SH3BP2: variants seen among roughly 807,000 people sequenced by gnomAD.
SH3BP2 encodes the protein SH3 domain binding protein 2, also known as SH3 domain-binding protein 2.
A neutral mutation model predicts 56.2 loss-of-function variants in SH3BP2; 38 were observed. That is an observed-to-expected ratio of 0.68 (90% CI 0.52 to 0.89). SH3BP2 has a LOEUF of 0.89. Among genes scored for constraint, SH3BP2 ranks in the 40% least tolerant of loss-of-function variants. SH3BP2 has a pLI of 0.00. For missense variants in SH3BP2, 748 were observed against 762.6 expected (o/e 0.98, Z 0.23); for synonymous variants, 346 against 316.7 (o/e 1.09, Z -0.98).
rs1446196408 is a variant in SH3BP2, at chr4:2,837,171, G to C, written c.*3337G>C. On this transcript the variant is annotated 3_prime_UTR_variant, in exon 13 of 13. Coordinates refer to ENST00000503393, the MANE Select transcript of SH3BP2 (RefSeq NM_001122681.2). ...TTCTCCTGCCTCACCCTCCCATGTA[G>C]CTGGGATTACAGCTGCCTGCCAAAT... 1 of 152,152 alleles carries C rather than the reference G, an allele frequency of 6.6e-6. No individual in the cohort carries two copies. The highest frequency in any genetic ancestry group is 2.4e-5 in the African/African-American group (1 of 41,396). The allele number at this position is 152,152 out of a possible 1,614,324, so 9.4% of individuals were successfully genotyped here.
At chr4:2,828,247 A>G (rs964647337) in intron 7 of SH3BP2, among the ~76,000 whole-genome samples, 12 of 150,378 alleles carry the variant, frequency 8.0e-5, no homozygotes, top group South Asian at 6.3e-4. Context: ...CATCTTGTCA[A>G]TTTCCTCATG....
chr4:2,833,811 T>A lies in SH3BP2; in HGVS notation c.1663T>A (p.Tyr555Asn). The A allele has an allele frequency of 6.3e-7, 1 of 1,583,554 alleles. No homozygotes were observed. Among genetic ancestry groups the A allele is most frequent in the Non-Finnish European group, 8.6e-7 (1 of 1,165,116 alleles). ...CCAGAGCCTGCTGCTGCGGCACCCC[T>A]ACGGCTACACTGGGCCTAGGTGATG... ...SHQSLLLRHP[Y>N]GYTGPR The change falls in exon 13 of 13, where the codon TAC (tyrosine) becomes AAC (asparagine). Residue 555 changes from tyrosine (Y) to asparagine (N), a missense_variant. Coordinates refer to ENST00000503393, the MANE Select transcript of SH3BP2 (RefSeq NM_001122681.2).
chr4:2,812,738 C>A (rs1275541215), intron 1 of SH3BP2, among the ~76,000 whole-genome samples: 1 of 152,026 alleles, frequency 6.6e-6, no homozygotes, highest in African/African-American at 2.4e-5. Context: ...CCCACCCCCC[C>A]ATCACATGCG....
At position 2,832,208 on chromosome 4, in the gene SH3BP2, G is replaced by A; in HGVS notation, c.1407-123G>A. 4.8e-6 allele frequency: 5 copies of A among 1,042,584 alleles called. No individual in the cohort carries two copies. In the South Asian group the frequency reaches 6.3e-5, roughly 13 times the overall value. 64.6% of individuals were successfully genotyped at this position (1,042,584 alleles called of 1,614,324 possible). ...TGTCAGCCTCACGGCAGCCCGACGTGCTCAGCTCCTGAGACCTACAACAGC... is the reference window on the plus strand; with the variant it reads ...TGTCAGCCTCACGGCAGCCCGACGTACTCAGCTCCTGAGACCTACAACAGC... On this transcript the variant is annotated intron_variant, in intron 10 of 12. Coordinates refer to ENST00000503393, the MANE Select transcript of SH3BP2 (RefSeq NM_001122681.2).
At chr4:2,804,946 C>T (rs748754898) in intron 1 of SH3BP2, among the ~76,000 whole-genome samples, 32 of 152,232 alleles carry the variant, frequency 2.1e-4, no homozygotes, top group Non-Finnish European at 8.8e-5. Context: ...GGCGATGGAG[C>T]GGGCACAGAG....
chr4:2,824,750 C>T lies in SH3BP2; in HGVS notation c.357+20C>T, dbSNP rs753112709. 39 of 1,561,930 alleles carry T rather than the reference C, an allele frequency of 2.5e-5. No homozygotes were observed. The South Asian group carries it at 2.8e-4, about 11-fold the overall frequency. On this transcript the variant is annotated intron_variant, in intron 4 of 12. Coordinates refer to ENST00000503393, the MANE Select transcript of SH3BP2 (RefSeq NM_001122681.2). Reference sequence around the variant, plus strand: ...CGCAAGGTGACTGGGGGTCCGAGGACGAGTGCAAGGTGACTGGGGGTGTGG... The same window carrying T: ...CGCAAGGTGACTGGGGGTCCGAGGATGAGTGCAAGGTGACTGGGGGTGTGG...
At chr4:2,794,479 G>A (rs1338194822) in intron 1 of SH3BP2, among the ~76,000 whole-genome samples, 2 of 152,228 alleles carry the variant, frequency 1.3e-5, no homozygotes, top group East Asian at 1.9e-4. Flanking sequence ...GGAGGCCTGG[G>A]ACGAGGGCTG....
chr4:2,822,412 C>T (rs565292611), intron 2 of SH3BP2, among the ~76,000 whole-genome samples: 2 of 152,320 alleles, frequency 1.3e-5, no homozygotes, highest in East Asian at 3.9e-4. Context: ...TCTTGTCACC[C>T]AGGCTGGAGT....
In SH3BP2 at chr4:2,831,877, G is replaced by A. The variant is rs374104414; in HGVS notation, c.1351-46G>A. The A allele has an allele frequency of 6.9e-6, 11 of 1,602,062 alleles. No individual in the cohort carries two copies. The highest frequency in any genetic ancestry group is 6.8e-6 in the Non-Finnish European group (8 of 1,172,606). On this transcript the variant is annotated intron_variant, in intron 9 of 12. Transcript: ENST00000503393. The surrounding 1 kb of genome is among the most constrained non-coding windows in gnomAD (Gnocchi z 4.1). ...CCACCGTCCGGGGAGTGGTGGTGCG[G>A]GTGGATCACTCCGACGTTGGCACTG...
chr4:2,826,582 G>C, intron 5 of SH3BP2: 1 of 317,812 alleles, frequency 3.1e-6, no homozygotes, highest in Non-Finnish European at 6.1e-6. Context: ...CTCTGTGTGT[G>C]TGTGCATGTC....
At chr4:2,801,112 G>C (rs373775279) in intron 1 of SH3BP2, among the ~76,000 whole-genome samples, 1 of 152,192 alleles carries the variant, frequency 6.6e-6, no homozygotes, top group East Asian at 1.9e-4. Flanking sequence ...TGTCTTGACC[G>C]CGGAGGACCG....
At chr4:2,801,742 A>C (rs1337666702) in intron 1 of SH3BP2, among the ~76,000 whole-genome samples, 1 of 152,278 alleles carries the variant, frequency 6.6e-6, no homozygotes, top group Non-Finnish European at 1.5e-5. Flanking sequence ...GCAGAAGGCA[A>C]GGGAATAGAA....
chr4:2,829,772 C>A lies in SH3BP2; in HGVS notation c.866C>A (p.Pro289His), dbSNP rs778115531. Residue 289 changes from proline (P) to histidine (H), a missense_variant, in exon 8 of 13, where the codon CCC becomes CAC. Coordinates refer to ENST00000503393, the MANE Select transcript of SH3BP2 (RefSeq NM_001122681.2). This position sits in a 1 kb window ranked among gnomAD's most constrained non-coding sequence, Gnocchi z 4.9. ...CCTCTGAGCACCATGCCCACCGCAC[C>A]CGGCCTCCGGAAACCCCCTTGCTTC... ...DPPLSTMPTA[P>H]GLRKPPCFRE... 6 of 1,613,156 alleles carry A rather than the reference C, an allele frequency of 3.7e-6. No individual in the cohort carries two copies. The Admixed American group carries it at 1.0e-4, about 27-fold the overall frequency.
chr4:2,812,154 G>A, intron 1 of SH3BP2: 1 of 1,419,226 alleles, frequency 7.0e-7, no homozygotes, highest in Non-Finnish European at 9.2e-7. Context: ...TGGTGGATGA[G>A]GGGCAGCCCT....
chr4:2,801,242 G>A (rs143412258), intron 1 of SH3BP2, among the ~76,000 whole-genome samples: 2 of 151,960 alleles, frequency 1.3e-5, no homozygotes, highest in African/African-American at 2.4e-5. Context: ...GAACAGTGGA[G>A]CGTTGTGAGG....
intron 1 of SH3BP2, among the ~76,000 whole-genome samples, chr4:2,800,863 G>A (rs1262688922): frequency 1.3e-5 from 2 of 152,158 alleles, no homozygotes; most frequent in Non-Finnish European, 1.5e-5. Flanking sequence ...GGAGGAACTC[G>A]TGGAACAGCC....
chr4:2,818,969 C>T, intron 1 of SH3BP2: 2 of 903,018 alleles, frequency 2.2e-6, no homozygotes, highest in Non-Finnish European at 2.6e-6. Context: ...AGCTCCAGCT[C>T]AGTTGCCCAG....
At chr4:2,825,977 A>G (rs566232454) in intron 5 of SH3BP2, among the ~76,000 whole-genome samples, 1 of 152,348 alleles carries the variant, frequency 6.6e-6, no homozygotes, top group Non-Finnish European at 1.5e-5. Flanking sequence ...AGGTGGGGAC[A>G]GGAGGCCCAG....
At chr4:2,827,695 C>CG in intron 7 of SH3BP2, 21 bp downstream of exon 7, 1 of 715,080 alleles carries the variant, frequency 1.4e-6, no homozygotes, top group Non-Finnish European at 2.4e-6. Context: ...CGGGTGGGCC[C>CG]GGGGAGCTCT....
Sources: allele counts gnomAD v4.1 joint callset (sites outside exome capture counted in the v4.1 genomes callset), GRCh38; gene constraint gnomAD v4.1.1; non-coding constraint Gnocchi (gnomAD v3.1); transcripts MANE v1.5; gene names NCBI Gene and HGNC (gene_info 2026-07-23, HGNC 2026-07-21).